CDH13: variants seen among roughly 807,000 people sequenced by gnomAD.
CDH13 encodes cadherin-13.
In CDH13, 24 loss-of-function variants were observed where a neutral mutation model predicts 63.8. The ratio of observed to expected loss-of-function variants is 0.38; its 90% confidence interval spans 0.27 to 0.53. The LOEUF is 0.53. Among genes scored for constraint, CDH13 ranks in the 20% least tolerant of loss-of-function variants. CDH13 has a pLI of 0.85. For missense variants in CDH13, 1,049 were observed against 903.1 expected, an observed-to-expected ratio of 1.16 and a Z score of -2.07; for synonymous variants, 503 against 355.3, an observed-to-expected ratio of 1.42 and a Z score of -4.67.
intron 1 of CDH13, among the ~76,000 whole-genome samples, chr16:82,641,494 T>C (rs1909390289): frequency 6.6e-6 from 1 of 152,248 alleles, no homozygotes; most frequent in Admixed American, 6.5e-5. Context: ...TTAAGCACCC[T>C]CCTGCAGATA....
Position 83,523,803 on chromosome 16 carries a change from G to A in CDH13, c.960+37148G>A, listed in dbSNP as rs116562861. Among the ~76,000 whole-genome samples the A allele has an allele frequency of 8.2e-3, 1,242 of 152,312 alleles. 23 individuals carry two copies. The highest frequency in any genetic ancestry group is 0.027 in the African/African-American group (1,128 of 41,570). ...AACATTGGGAAAAGGAGGCAAGAAC[G>A]ACAACAGTCCCCATTTCAAACACTT... On this transcript the variant is annotated intron_variant, in intron 7 of 13. Coordinates refer to ENST00000567109, the MANE Select transcript of CDH13 (RefSeq NM_001257.5).
intron 7 of CDH13, among the ~76,000 whole-genome samples, chr16:83,499,887 C>G (rs1178664426): frequency 6.6e-6 from 1 of 152,190 alleles, no homozygotes; most frequent in Non-Finnish European, 1.5e-5. Context: ...ACTGCAATCT[C>G]CACCTCCCGG....
At chr16:83,675,523 C>G (rs755332146) in intron 9 of CDH13, among the ~76,000 whole-genome samples, 2 of 152,202 alleles carry the variant, frequency 1.3e-5, no homozygotes, top group African/African-American at 2.4e-5. Context: ...ATGACTCTTG[C>G]AGCTCTTGCT....
At chr16:83,750,107 C>G (rs1013376111) in intron 11 of CDH13, among the ~76,000 whole-genome samples, 1 of 152,020 alleles carries the variant, frequency 6.6e-6, no homozygotes, top group Non-Finnish European at 1.5e-5. Flanking sequence ...ACCAGCCTGG[C>G]CAATATGGTG....
intron 1 of CDH13, chr16:82,705,345 G>A (rs926880849): frequency 2.8e-6 from 1 of 352,016 alleles, no homozygotes; most frequent in Non-Finnish European, 5.5e-6. Flanking sequence ...GATGCCCAGA[G>A]ATATAACAAT....
intron 4 of CDH13, among the ~76,000 whole-genome samples, chr16:83,136,331 C>G (rs1329549048): frequency 6.6e-6 from 1 of 151,382 alleles, no homozygotes; most frequent in African/African-American, 2.4e-5. Flanking sequence ...AAAAATACAA[C>G]AAAAATTAGC....
intron 7 of CDH13, among the ~76,000 whole-genome samples, chr16:83,515,199 C>T (rs868827277): frequency 2.7e-4 from 41 of 152,314 alleles, no homozygotes; most frequent in African/African-American, 8.7e-4. Flanking sequence ...AGGACTCATG[C>T]CTCAGCTGGG....
Position 82,808,979 on chromosome 16 carries a change from G to A in CDH13, c.46-49383G>A, listed in dbSNP as rs1379028498. Among the ~76,000 whole-genome samples the A allele has an allele frequency of 3.3e-5, 5 of 152,236 alleles. No homozygotes were observed. The East Asian group carries it at 9.6e-4, about 29-fold the overall frequency. The stretch of plus-strand genomic sequence containing the variant: ...GGTGCAATAAACTAAGCATGTATCT[G>A]TAGATATGTGTATATGTATGGGTAT... On this transcript the variant is annotated intron_variant, in intron 1 of 13. Coordinates refer to ENST00000567109, the MANE Select transcript of CDH13 (RefSeq NM_001257.5).
chr16:83,504,030 G>T (rs1440001671), intron 7 of CDH13, among the ~76,000 whole-genome samples: 1 of 152,224 alleles, frequency 6.6e-6, no homozygotes, highest in East Asian at 1.9e-4. Flanking sequence ...TAAAATATGG[G>T]TTGATGGGTG....
intron 13 of CDH13, among the ~76,000 whole-genome samples, chr16:83,789,464 A>C (rs935078454): frequency 6.6e-6 from 1 of 151,386 alleles, no homozygotes; most frequent in Non-Finnish European, 1.5e-5. Context: ...CTCCTGCCTC[A>C]GCCTCTGAAG....
intron 1 of CDH13, among the ~76,000 whole-genome samples, chr16:82,781,408 CT>C (rs1377055500): frequency 6.6e-6 from 1 of 151,996 alleles, no homozygotes; most frequent in African/African-American, 2.4e-5. Flanking sequence ...TGAGAATAAG[CT>C]TTTTTGTTGT....
At chr16:83,748,375 A>T (rs1487084628) in intron 11 of CDH13, 125 bp downstream of exon 11, 5 of 806,978 alleles carry the variant, frequency 6.2e-6, no homozygotes, top group Non-Finnish European at 9.7e-6. Flanking sequence ...TGGGAACAGC[A>T]AAGTAAATGT....
At chr16:83,721,211 T>C (rs1004702234) in intron 10 of CDH13, 2 of 152,282 alleles carry the variant, frequency 1.3e-5, no homozygotes, top group African/African-American at 4.8e-5. Context: ...AACAGTTTAA[T>C]TGGGGGTTGG....
chr16:82,679,350 C>A (rs770982509), intron 1 of CDH13, among the ~76,000 whole-genome samples: 1 of 152,132 alleles, frequency 6.6e-6, no homozygotes, highest in Non-Finnish European at 1.5e-5. Context: ...ATATCCATGG[C>A]TGGGGAGCAG....
At chr16:82,862,766 A>T (rs897233777) in intron 2 of CDH13, among the ~76,000 whole-genome samples, 3 of 152,230 alleles carry the variant, frequency 2.0e-5, no homozygotes, top group African/African-American at 7.2e-5. Context: ...GACTTAACAC[A>T]GTGAAAGTTT....
chr16:83,490,012 C>CAA, intron 7 of CDH13, among the ~76,000 whole-genome samples: 1 of 94,232 alleles, frequency 1.1e-5, no homozygotes, highest in East Asian at 2.3e-4. Context: ...GCAGAAACCA[C>CAA]ACACACACAC....
chr16:83,724,574 T>A (rs1910153516), intron 10 of CDH13, among the ~76,000 whole-genome samples: 1 of 147,778 alleles, frequency 6.8e-6, no homozygotes, highest in African/African-American at 2.4e-5. Context: ...CATGGATGGA[T>A]GAAGTTGTAC....
chr16:82,970,674 A>T (rs957881072), intron 2 of CDH13, among the ~76,000 whole-genome samples: 13 of 152,010 alleles, frequency 8.6e-5, no homozygotes, highest in Non-Finnish European at 1.5e-4. Context: ...GCCAGTGCAT[A>T]TTCTTAAGGG....
intron 3 of CDH13, among the ~76,000 whole-genome samples, chr16:83,033,705 C>T (rs1177896313): frequency 6.6e-6 from 1 of 152,156 alleles, no homozygotes; most frequent in Non-Finnish European, 1.5e-5. Flanking sequence ...TTCAGGCTTC[C>T]CGATTGTGCC....
Sources: gnomAD v4.1 joint callset for allele counts (sites outside exome capture counted in the v4.1 genomes callset) on GRCh38, gnomAD v4.1.1 for gene constraint, MANE v1.5 for transcripts, NCBI Gene and HGNC (gene_info 2026-07-23, HGNC 2026-07-21) for gene names.